KHDRBS1: variants seen among roughly 807,000 people sequenced by gnomAD.
KHDRBS1 encodes KH domain-containing, RNA-binding, signal transduction-associated protein 1.
A neutral mutation model predicts 48.4 loss-of-function variants in KHDRBS1; 7 were observed. That is an observed-to-expected ratio of 0.14 (90% CI 0.08 to 0.27). The LOEUF is 0.27. Ranked by LOEUF, KHDRBS1 falls within the 10% of genes least tolerant of loss-of-function variation. The probability of loss-of-function intolerance (pLI) is 1.00; values close to 1 mark genes in which losing one functional copy is unlikely to be tolerated. For missense variants in KHDRBS1, 458 were observed against 601.2 expected (o/e 0.76, Z 2.49); for synonymous variants, 241 against 235.8 (o/e 1.02, Z -0.20).
intron 1 of KHDRBS1, among the ~76,000 whole-genome samples, chr1:32,018,868 C>G (rs951314832): frequency 3.3e-5 from 5 of 152,138 alleles, no homozygotes; most frequent in African/African-American, 1.2e-4. Context: ...GTCAGAAGTT[C>G]GAGACCAGTC....
chr1:32,016,035 T>C (rs1388649514), intron 1 of KHDRBS1, among the ~76,000 whole-genome samples: 2 of 151,876 alleles, frequency 1.3e-5, no homozygotes, highest in Admixed American at 1.3e-4. Flanking sequence ...AAAATTAGCT[T>C]CGCGTGGTGG....
chr1:32,021,989 CT>C (rs1435156429), intron 1 of KHDRBS1, among the ~76,000 whole-genome samples: 2 of 144,728 alleles, frequency 1.4e-5, no homozygotes, highest in Non-Finnish European at 3.0e-5. Context: ...GAGATGGAGT[CT>C]TGCTCTGTCA....
chr1:32,024,731 A>G (rs1638929559), intron 1 of KHDRBS1, among the ~76,000 whole-genome samples: 1 of 152,142 alleles, frequency 6.6e-6, no homozygotes, highest in Non-Finnish European at 1.5e-5. Context: ...TAAGTAACTC[A>G]GTTCACTGAG....
chr1:32,016,668 G>C (rs1024557195), intron 1 of KHDRBS1, among the ~76,000 whole-genome samples: 9 of 152,278 alleles, frequency 5.9e-5, no homozygotes, highest in Admixed American at 5.9e-4. Flanking sequence ...GGTACCGTGA[G>C]ACCCTGAGCA....
intron 10 of KHDRBS1, among the ~76,000 whole-genome samples, chr1:32,050,978 C>G (rs1396794402): frequency 6.6e-6 from 1 of 152,096 alleles, no homozygotes; most frequent in Admixed American, 6.6e-5. Flanking sequence ...GCAACCTCTG[C>G]CTCCCAGGTT....
intron 1 of KHDRBS1, among the ~76,000 whole-genome samples, chr1:32,025,835 C>T (rs1225576870): frequency 6.7e-6 from 1 of 149,380 alleles, no homozygotes; most frequent in South Asian, 2.2e-4. Flanking sequence ...GCCTTGAACT[C>T]TTGGGCTCAA....
chr1:32,023,207 A>G (rs1380844229), intron 1 of KHDRBS1, among the ~76,000 whole-genome samples: 1 of 152,194 alleles, frequency 6.6e-6, no homozygotes, highest in African/African-American at 2.4e-5. Context: ...AAATCTACAA[A>G]AAAAACAAAA....
chr1:32,039,725 C>T (rs1639248098), intron 8 of KHDRBS1, 152 bp downstream of exon 8: 2 of 627,370 alleles, frequency 3.2e-6, no homozygotes, highest in Non-Finnish European at 2.9e-6. Flanking sequence ...GAGTTCTGCT[C>T]TTGCTTAAAT....
intron 10 of KHDRBS1, among the ~76,000 whole-genome samples, chr1:32,058,397 G>A (rs1200561074): frequency 6.6e-6 from 1 of 152,146 alleles, no homozygotes; most frequent in African/African-American, 2.4e-5. Flanking sequence ...ACTGCACCTG[G>A]CTGACCTTAA....
In KHDRBS1 at chr1:32,036,949, CTG is replaced by C; in HGVS notation, c.813_814del (p.Ser272LeufsTer7). 6.2e-7 allele frequency: 1 copy of C among 1,614,000 alleles called. No homozygotes were observed. Among genetic ancestry groups the C allele is most frequent in the Non-Finnish European group, 8.5e-7 (1 of 1,179,932 alleles). On this transcript the variant is annotated frameshift_variant, in exon 5 of 9. Coordinates refer to ENST00000327300, the MANE Select transcript of KHDRBS1 (RefSeq NM_006559.3). LOFTEE classifies it high-confidence loss of function. ...DDICQEQFLELSYLNGVPEPS... is the reference protein window; with the variant it reads ...DDICQEQFLEXSYLNGVPEPS... The stretch of plus-strand genomic sequence containing the variant: ...TATCTGTCAGGAGCAATTTCTAGAG[CTG>C]TCCTACTTGAATGGAGTACCTGAAC...
chr1:32,030,994 A>G (rs1639071154), intron 2 of KHDRBS1, among the ~76,000 whole-genome samples: 1 of 152,198 alleles, frequency 6.6e-6, no homozygotes, highest in South Asian at 2.1e-4. Context: ...CATGCCTGTA[A>G]TGCCAGCACT....
At chr1:32,048,955 T>G (rs1300391784) in intron 10 of KHDRBS1, among the ~76,000 whole-genome samples, 1 of 151,916 alleles carries the variant, frequency 6.6e-6, no homozygotes, top group Admixed American at 6.6e-5. Context: ...GTCCAAGGGT[T>G]TAGCCAGTCA....
intron 1 of KHDRBS1, among the ~76,000 whole-genome samples, chr1:32,026,995 A>T (rs1638985284): frequency 6.6e-6 from 1 of 152,178 alleles, no homozygotes; most frequent in South Asian, 2.1e-4. Context: ...GGGTTTCCCC[A>T]TGTTGACCAA....
At chr1:32,024,819 C>G (rs1449729344) in intron 1 of KHDRBS1, among the ~76,000 whole-genome samples, 1 of 151,990 alleles carries the variant, frequency 6.6e-6, no homozygotes, top group Non-Finnish European at 1.5e-5. Flanking sequence ...TTCAGCCCTA[C>G]CTGGGTAAGG....
At chr1:32,015,827 C>T (rs1472067773) in intron 1 of KHDRBS1, among the ~76,000 whole-genome samples, 1 of 152,268 alleles carries the variant, frequency 6.6e-6, no homozygotes, top group South Asian at 2.1e-4. Context: ...GAAGTCACAA[C>T]CCATTGTGCG....
In KHDRBS1 at chr1:32,030,327, A is replaced by G; in HGVS notation, c.412A>G (p.Lys138Glu). ...EIEKIQKGDS[K>E]KDDEENYLDL... Reference sequence around the variant, plus strand: ...TGAGAAGATTCAGAAAGGAGACTCAAAAAAGGATGATGAGGAGAATTACTT... The same window carrying G: ...TGAGAAGATTCAGAAAGGAGACTCAGAAAAGGATGATGAGGAGAATTACTT... The change falls in exon 2 of 9, where the codon AAA becomes GAA. Residue 138 changes from lysine to glutamate, a missense_variant. Lys to Glu is a moderately conservative substitution (Grantham distance 56). Around this residue, in one of 3 missense-constraint regions of KHDRBS1, gnomAD observed 213 missense variants for 215.6 expected, o/e 0.99. Coordinates refer to ENST00000327300, the MANE Select transcript of KHDRBS1 (RefSeq NM_006559.3). 1.2e-6 allele frequency: 2 copies of G among 1,610,668 alleles called. No homozygotes were observed. Among genetic ancestry groups the G allele is most frequent in the Non-Finnish European group, 1.7e-6 (2 of 1,178,416 alleles).
chr1:32,025,414 T>C (rs1638948058), intron 1 of KHDRBS1, among the ~76,000 whole-genome samples: 1 of 149,704 alleles, frequency 6.7e-6, no homozygotes, highest in South Asian at 2.2e-4. Flanking sequence ...AATTCTTCTG[T>C]CTCAGCCTCC....
At chr1:32,059,526 C>T (rs1228238373) in intron 10 of KHDRBS1, among the ~76,000 whole-genome samples, 1 of 148,926 alleles carries the variant, frequency 6.7e-6, no homozygotes, top group Non-Finnish European at 1.5e-5. Context: ...AGTGACAAAG[C>T]AAGACTCTTT....
At chr1:32,041,711 T>C (rs1317354607) in intron 8 of KHDRBS1, among the ~76,000 whole-genome samples, 1 of 143,496 alleles carries the variant, frequency 7.0e-6, no homozygotes, top group African/African-American at 2.5e-5. Context: ...TGCCTCAGCC[T>C]CCTGAGTAGC....
Sources: allele counts gnomAD v4.1 joint callset (sites outside exome capture counted in the v4.1 genomes callset), GRCh38; gene constraint gnomAD v4.1.1; regional missense constraint gnomAD v4.1.1; transcripts MANE v1.5; gene names NCBI Gene and HGNC (gene_info 2026-07-23, HGNC 2026-07-21).